The following SPEF2 variants were observed in gnomAD, a reference collection of about 807,000 sequenced individuals.
SPEF2 encodes sperm flagella and cilia-associated protein 2.
SPEF2 carries 187 observed loss-of-function variants against 224.6 expected under a neutral mutation model. The observed-to-expected ratio is 0.83, with a 90% confidence interval of 0.74 to 0.94. The LOEUF is 0.94. Ranked by LOEUF, SPEF2 falls within the 40% of genes least tolerant of loss-of-function variation. The probability of loss-of-function intolerance (pLI) is 0.00; values close to 1 mark genes in which losing one functional copy is unlikely to be tolerated. For missense variants in SPEF2, 2,170 were observed against 2,135.6 expected (o/e 1.02, Z -0.32); for synonymous variants, 715 against 707.3 (o/e 1.01, Z -0.17).
Position 35,641,438 on chromosome 5 carries a change from A to G in SPEF2, c.169A>G (p.Ser57Gly). ...FSEFLDSRVS[S>G]AKLNNFSRLE... ...AAATATTTTACTGTCCAGGGTTTCA[A>G]GTGCCAAACTTAATAATTTTTCTCG... Residue 57 changes from serine (S) to glycine (G), a missense_variant, in exon 3 of 37, where the codon AGT (serine) becomes GGT (glycine). Ser to Gly is a moderately conservative substitution (Grantham distance 56, BLOSUM62 0). Coordinates refer to ENST00000356031, the MANE Select transcript of SPEF2 (RefSeq NM_024867.4). The G allele has an allele frequency of 6.2e-6, 10 of 1,611,782 alleles. No homozygotes were observed. The highest frequency in any genetic ancestry group is 1.7e-4 in the Middle Eastern group (1 of 6,044).
In SPEF2 at chr5:35,664,272, A is replaced by C. The variant is rs79809970; in HGVS notation, c.1168-2800A>C. On this transcript the variant is annotated intron_variant, in intron 8 of 36. Coordinates refer to ENST00000356031, the MANE Select transcript of SPEF2 (RefSeq NM_024867.4). ...GTACCACGTTTGCTCTTGCTCATGA[A>C]ATAAAGAAAAAAAAAAAAAAGAGGA... is the stretch of plus-strand genomic sequence containing the variant. Among the ~76,000 whole-genome samples, 508 of 136,214 alleles carry C rather than the reference A, an allele frequency of 3.7e-3. 5 individuals carry two copies. The highest frequency in any genetic ancestry group is 4.2e-3 in the Non-Finnish European group (270 of 64,064). 89.4% of individuals were successfully genotyped at this position (136,214 alleles called of 152,430 possible).
At chr5:35,806,503 C>T (rs546572776) in intron 34 of SPEF2, among the ~76,000 whole-genome samples, 1 of 152,334 alleles carries the variant, frequency 6.6e-6, no homozygotes, top group South Asian at 2.1e-4. Flanking sequence ...AGCTTCTATA[C>T]ACTACAAGTA....
At chr5:35,760,360 CTA>C (rs150638657) in intron 25 of SPEF2, among the ~76,000 whole-genome samples, 88,707 of 146,346 alleles carry the variant, frequency 0.61, 28,085 homozygotes, top group Middle Eastern at 0.71. Context: ...GAGACTCCGT[CTA>C]AAAAAAAAAA....
intron 7 of SPEF2, 27 bp from the exon 8 acceptor site, chr5:35,658,992 A>G (rs1369529626): frequency 6.7e-7 from 1 of 1,489,996 alleles, no homozygotes; most frequent in Non-Finnish European, 9.0e-7. Context: ...ACGTCACTTT[A>G]ACAAATAATT....
chr5:35,630,221 T>C (rs557340719), intron 2 of SPEF2, among the ~76,000 whole-genome samples: 4 of 152,126 alleles, frequency 2.6e-5, no homozygotes, highest in African/African-American at 7.2e-5. Context: ...AGGTGCATGG[T>C]GCAAGCTGTC....
At position 35,720,809 on chromosome 5, in the gene SPEF2, C is replaced by T. The variant is rs1743516040; in HGVS notation, c.2915-6866C>T. Among the ~76,000 whole-genome samples the T allele has an allele frequency of 2.0e-5, 3 of 152,280 alleles. No homozygotes were observed. The South Asian group carries it at 6.2e-4, about 32-fold the overall frequency. The stretch of plus-strand genomic sequence containing the variant: ...ACCTGTCAAACAATCCTGTTTACCT[C>T]TCTTTTCTGGACACTTCAGGGGCCC... On this transcript the variant is annotated intron_variant, in intron 20 of 36. Transcript: ENST00000356031.
At chr5:35,725,704 T>A (rs1014894653) in intron 20 of SPEF2, among the ~76,000 whole-genome samples, 2 of 152,220 alleles carry the variant, frequency 1.3e-5, no homozygotes, top group African/African-American at 4.8e-5. Context: ...TCTACTGCTG[T>A]GTCACTTTGT....
At chr5:35,623,617 G>A (rs1476297703) in intron 1 of SPEF2, among the ~76,000 whole-genome samples, 2 of 152,210 alleles carry the variant, frequency 1.3e-5, no homozygotes, top group Non-Finnish European at 2.9e-5. Flanking sequence ...AATAGACTGT[G>A]TTTAAGTACA....
At chr5:35,688,851 G>C (rs535853524) in intron 10 of SPEF2, among the ~76,000 whole-genome samples, 3 of 152,314 alleles carry the variant, frequency 2.0e-5, no homozygotes, top group African/African-American at 7.2e-5. Context: ...ATAGTATGCA[G>C]TCAATGTCAA....
chr5:35,649,255 C>T, intron 5 of SPEF2, 106 bp from the exon 6 acceptor site: 1 of 899,688 alleles, frequency 1.1e-6, no homozygotes, highest in Non-Finnish European at 1.7e-6. Flanking sequence ...TCCTAATTAC[C>T]TTGAATTAGT....
At chr5:35,728,821 A>T (rs1472387640) in intron 21 of SPEF2, among the ~76,000 whole-genome samples, 1 of 152,106 alleles carries the variant, frequency 6.6e-6, no homozygotes, top group Admixed American at 6.5e-5. Flanking sequence ...TTATGGAGGT[A>T]TGTAATTGAC....
intron 25 of SPEF2, among the ~76,000 whole-genome samples, chr5:35,762,547 T>C (rs1032408923): frequency 2.3e-4 from 35 of 152,300 alleles, no homozygotes; most frequent in African/African-American, 7.5e-4. Flanking sequence ...GATTCATTTT[T>C]CTGAATCACT....
intron 24 of SPEF2, among the ~76,000 whole-genome samples, chr5:35,755,669 G>T (rs1328503572): frequency 6.6e-6 from 1 of 152,114 alleles, no homozygotes; most frequent in Non-Finnish European, 1.5e-5. Context: ...GAGTGCAATG[G>T]TGCGATCTCA....
chr5:35,641,540 G>A lies in SPEF2; in HGVS notation c.271G>A (p.Gly91Arg). ...CCATGGCATCATCACAGAAAAGCCT[G>A]GGGTGGCAACAAAGCTGTTATATCA... ...VAHGIITEKPGVATKLLYQLY... is the reference protein window; with the variant it reads ...VAHGIITEKPRVATKLLYQLY... The change falls in exon 3 of 37, where the codon GGG becomes AGG. Residue 91 changes from glycine (G) to arginine (R), a missense_variant. Coordinates refer to ENST00000356031, the MANE Select transcript of SPEF2 (RefSeq NM_024867.4). 6.2e-7 allele frequency: 1 copy of A among 1,613,816 alleles called. No homozygotes were observed. The highest frequency in any genetic ancestry group is 8.5e-7 in the Non-Finnish European group (1 of 1,179,850).
intron 10 of SPEF2, among the ~76,000 whole-genome samples, chr5:35,682,619 C>A (rs1482624294): frequency 6.6e-6 from 1 of 152,178 alleles, no homozygotes. Flanking sequence ...TAGTACCACT[C>A]CTCTAAAAAA....
chr5:35,812,041 G>A (rs1758575292), intron 36 of SPEF2, among the ~76,000 whole-genome samples: 1 of 151,862 alleles, frequency 6.6e-6, no homozygotes, highest in Non-Finnish European at 1.5e-5. Flanking sequence ...GCCCACCTTG[G>A]CCTCCCAAAG....
intron 2 of SPEF2, among the ~76,000 whole-genome samples, chr5:35,641,125 G>A (rs775489609): frequency 3.3e-5 from 5 of 152,120 alleles, no homozygotes; most frequent in Non-Finnish European, 5.9e-5. Context: ...TAGTATACTA[G>A]GAACAGTATA....
In SPEF2 at chr5:35,753,708, T is replaced by A. The variant is rs953653950; in HGVS notation, c.3415T>A (p.Trp1139Arg). The change falls in exon 24 of 37, where the codon TGG (tryptophan) becomes AGG (arginine). Residue 1139 changes from tryptophan (W) to arginine (R), a missense_variant. Transcript: ENST00000356031. ...GCGGCTTGACATCATTAATGAGAGC[T>A]GGTTACAGGACACTCTTGGAATGAC... The part of the protein sequence containing the change: ...QERLDIINES[W>R]LQDTLGMTMN... 6.2e-7 allele frequency: 1 copy of A among 1,614,142 alleles called. No individual in the cohort carries two copies.
At chr5:35,666,638 G>C (rs1331473194) in intron 8 of SPEF2, among the ~76,000 whole-genome samples, 1 of 152,174 alleles carries the variant, frequency 6.6e-6, no homozygotes, top group African/African-American at 2.4e-5. Flanking sequence ...TTGAAAGACA[G>C]AGGGCAATGG....
Sources: gnomAD v4.1 joint callset for allele counts (sites outside exome capture counted in the v4.1 genomes callset) on GRCh38, gnomAD v4.1.1 for gene constraint, MANE v1.5 for transcripts, NCBI Gene and HGNC (gene_info 2026-07-23, HGNC 2026-07-21) for gene names.